STPG2: variants seen among roughly 807,000 people sequenced by gnomAD.
STPG2 encodes the protein sperm tail PG-rich repeat containing 2.
STPG2 carries 56 observed loss-of-function variants against 54.2 expected under a neutral mutation model. That is an observed-to-expected ratio of 1.03 (90% confidence interval 0.83 to 1.29). The LOEUF is 1.29. Ranked by LOEUF, STPG2 falls within the 50% of genes most tolerant of loss-of-function variation. STPG2 has a pLI of 0.00. For synonymous variants in STPG2, 200 were observed against 181.8 expected, an observed-to-expected ratio of 1.10 and a Z score of -0.81; for missense variants, 596 against 544.9, an observed-to-expected ratio of 1.09 and a Z score of -0.93.
intron 10 of STPG2, among the ~76,000 whole-genome samples, chr4:97,668,881 T>G (rs1722612680): frequency 6.6e-6 from 1 of 151,938 alleles, no homozygotes; most frequent in South Asian, 2.1e-4. Flanking sequence ...ATATAAAAAT[T>G]TGTTTGGATT....
Position 98,073,041 on chromosome 4 carries a change from G to A in STPG2, c.612+32912C>T, listed in dbSNP as rs561901094. Among the ~76,000 whole-genome samples the A allele has an allele frequency of 2.6e-5, 4 of 152,266 alleles. No homozygotes were observed. The South Asian group carries it at 6.2e-4, about 24-fold the overall frequency. ...CAGGTGGTTAAAATGCCTGAAAAAC[G>A]TGGTGGTTATCACAGGTATTATTAT... On this transcript the variant is annotated intron_variant, in intron 5 of 10. Coordinates refer to ENST00000295268, the MANE Select transcript of STPG2 (RefSeq NM_174952.3).
At chr4:97,692,298 GAAA>G (rs70953082) in intron 10 of STPG2, among the ~76,000 whole-genome samples, 22 of 90,590 alleles carry the variant, frequency 2.4e-4, no homozygotes, top group African/African-American at 9.5e-4. Flanking sequence ...TACAGGATAT[GAAA>G]AAAAAAAAAA....
chr4:97,837,026 T>A (rs914019766), intron 9 of STPG2, among the ~76,000 whole-genome samples: 19 of 151,680 alleles, frequency 1.3e-4, no homozygotes, highest in African/African-American at 4.3e-4. Context: ...AAAAGATTAA[T>A]CCTATCTTGT....
intron 8 of STPG2, among the ~76,000 whole-genome samples, chr4:97,930,808 G>A (rs2149218407): frequency 6.6e-6 from 1 of 152,260 alleles, no homozygotes. Context: ...TCCTATCCAT[G>A]AGCGTGGTAT....
chr4:98,099,236 G>C (rs1487314844), intron 5 of STPG2, among the ~76,000 whole-genome samples: 1 of 152,102 alleles, frequency 6.6e-6, no homozygotes, highest in East Asian at 1.9e-4. Context: ...TAGATGAATG[G>C]ATAAAGAAAA....
At chr4:97,748,059 G>A (rs899827947) in intron 9 of STPG2, among the ~76,000 whole-genome samples, 1 of 151,458 alleles carries the variant, frequency 6.6e-6, no homozygotes, top group Non-Finnish European at 1.5e-5. Context: ...ATTTTCATGT[G>A]AGAACTGAAA....
intron 10 of STPG2, among the ~76,000 whole-genome samples, chr4:97,631,621 G>A (rs377427710): frequency 6.6e-6 from 1 of 151,942 alleles, no homozygotes; most frequent in South Asian, 2.1e-4. Flanking sequence ...TGCCCTTAAT[G>A]GAAAATATTG....
chr4:97,927,920 C>T (rs1732396725), intron 8 of STPG2, among the ~76,000 whole-genome samples: 1 of 152,100 alleles, frequency 6.6e-6, no homozygotes, highest in South Asian at 2.1e-4. Flanking sequence ...CTGTGATACA[C>T]AGTGTTTTGT....
At chr4:97,623,263 T>C (rs1370940706) in intron 10 of STPG2, among the ~76,000 whole-genome samples, 1 of 151,862 alleles carries the variant, frequency 6.6e-6, no homozygotes, top group Non-Finnish European at 1.5e-5. Flanking sequence ...AACAGATAAA[T>C]GGGACCTAAT....
chr4:97,963,861 A>T (rs1733992043), intron 7 of STPG2, among the ~76,000 whole-genome samples: 1 of 152,196 alleles, frequency 6.6e-6, no homozygotes, highest in African/African-American at 2.4e-5. Context: ...TAAAAAAATT[A>T]ATTTAGAGTA....
chr4:97,833,778 A>T (rs1404147659), intron 9 of STPG2, among the ~76,000 whole-genome samples: 1 of 152,230 alleles, frequency 6.6e-6, no homozygotes, highest in Admixed American at 6.5e-5. Context: ...ATCACTGGTC[A>T]TTAGAGAAAT....
intron 8 of STPG2, among the ~76,000 whole-genome samples, chr4:97,860,149 G>C (rs1398520240): frequency 6.6e-6 from 1 of 152,154 alleles, no homozygotes; most frequent in Non-Finnish European, 1.5e-5. Flanking sequence ...ATAATTTAAA[G>C]TTCGGTAATG....
chr4:97,866,172 A>G lies in STPG2; in HGVS notation c.1045-25240T>C, dbSNP rs560466591. Among the ~76,000 whole-genome samples the G allele has an allele frequency of 2.6e-5, 4 of 152,022 alleles. No individual in the cohort carries two copies. The East Asian group carries it at 7.7e-4, about 29-fold the overall frequency. ...GTTAGATAGAATGAATAAGATCTAT[A>G]ATAGTATTTGATAGTACAACAGGGT... On this transcript the variant is annotated intron_variant, in intron 8 of 10. Coordinates refer to ENST00000295268, the MANE Select transcript of STPG2 (RefSeq NM_174952.3).
intron 8 of STPG2, among the ~76,000 whole-genome samples, chr4:97,871,450 T>C (rs529984017): frequency 2.9e-4 from 44 of 150,884 alleles, no homozygotes; most frequent in Non-Finnish European, 1.0e-4. Flanking sequence ...AAAGTAAGGA[T>C]TGACAGTTGA....
chr4:97,908,144 T>A (rs1368723252), intron 8 of STPG2, among the ~76,000 whole-genome samples: 5 of 151,616 alleles, frequency 3.3e-5, no homozygotes, highest in African/African-American at 1.2e-4. Context: ...ATATCCAGAA[T>A]CTACAATGAA....
chr4:98,014,578 A>C (rs1735870514), intron 5 of STPG2, among the ~76,000 whole-genome samples: 1 of 152,188 alleles, frequency 6.6e-6, no homozygotes, highest in Admixed American at 6.5e-5. Flanking sequence ...ATTATGTATC[A>C]TTAACAAATT....
chr4:97,691,561 C>T (rs1160381021), intron 10 of STPG2, among the ~76,000 whole-genome samples: 3 of 152,058 alleles, frequency 2.0e-5, no homozygotes, highest in Admixed American at 2.0e-4. Flanking sequence ...CACACCTAAC[C>T]CTGCCTCCAC....
chr4:98,039,912 A>G (rs1736895896), intron 5 of STPG2, among the ~76,000 whole-genome samples: 2 of 151,782 alleles, frequency 1.3e-5, no homozygotes, highest in African/African-American at 4.8e-5. Context: ...ATTTTCCATA[A>G]AGGCTGTACT....
At chr4:97,962,200 C>T (rs1417110574) in intron 7 of STPG2, among the ~76,000 whole-genome samples, 1 of 151,994 alleles carries the variant, frequency 6.6e-6, no homozygotes, top group Non-Finnish European at 1.5e-5. Flanking sequence ...ACTTTGAAGA[C>T]TCAGGGGGAA....
Sources: gnomAD v4.1 joint callset for allele counts (sites outside exome capture counted in the v4.1 genomes callset) on GRCh38, gnomAD v4.1.1 for gene constraint, MANE v1.5 for transcripts, NCBI Gene and HGNC (gene_info 2026-07-23, HGNC 2026-07-21) for gene names.